IMMP2L: variants seen among roughly 807,000 people sequenced by gnomAD.
IMMP2L encodes the protein mitochondrial inner membrane protease subunit 2.
In IMMP2L, 18 loss-of-function variants were observed where a neutral mutation model predicts 19.3. That is an observed-to-expected ratio of 0.93 (90% confidence interval 0.64 to 1.38). The LOEUF is 1.38. Among genes scored for constraint, IMMP2L ranks in the 40% most tolerant of loss-of-function variants. The pLI is 0.00. For synonymous variants in IMMP2L, 76 were observed against 73.0 expected (o/e 1.04, Z -0.21); for missense variants, 233 against 218.2 (o/e 1.07, Z -0.43).
chr7:111,212,282 T>C (rs1023338172), intron 3 of IMMP2L, among the ~76,000 whole-genome samples: 1 of 151,976 alleles, frequency 6.6e-6, no homozygotes, highest in Non-Finnish European at 1.5e-5. Flanking sequence ...GATTTTCCTT[T>C]AAAGAGCAAA....
At position 111,399,446 on chromosome 7, in the gene IMMP2L, C is replaced by T. The variant is rs59794265; in HGVS notation, c.239+87792G>A. On this transcript the variant is annotated intron_variant, in intron 3 of 5. Transcript: ENST00000405709. ...GCATAATCTCAGCTCACTGCAACCT[C>T]CACCTCCCAGATTCAAGTGTGCTTC... is the stretch of plus-strand genomic sequence containing the variant. Among the ~76,000 whole-genome samples the T allele has an allele frequency of 2.1e-3, 317 of 152,188 alleles. 3 individuals carry two copies. Among genetic ancestry groups the T allele is most frequent in the African/African-American group, 7.2e-3 (301 of 41,558 alleles).
At chr7:110,926,743 C>G (rs915140611) in intron 4 of IMMP2L, among the ~76,000 whole-genome samples, 1 of 152,096 alleles carries the variant, frequency 6.6e-6, no homozygotes, top group African/African-American at 2.4e-5. Context: ...CCTAGAAATG[C>G]TATAATAAAC....
intron 5 of IMMP2L, among the ~76,000 whole-genome samples, chr7:110,719,464 A>C (rs1172154456): frequency 2.6e-5 from 4 of 152,172 alleles, no homozygotes; most frequent in Non-Finnish European, 4.4e-5. Context: ...GGTAATTAAA[A>C]AGCTGTAGAG....
chr7:111,340,782 C>T (rs558572750), intron 3 of IMMP2L, among the ~76,000 whole-genome samples: 1 of 152,102 alleles, frequency 6.6e-6, no homozygotes, highest in South Asian at 2.1e-4. Flanking sequence ...TTATAAATAG[C>T]AGGAATGAAC....
At chr7:110,699,195 C>A (rs1794086794) in intron 5 of IMMP2L, among the ~76,000 whole-genome samples, 1 of 152,160 alleles carries the variant, frequency 6.6e-6, no homozygotes, top group South Asian at 2.1e-4. Flanking sequence ...CAGTTGTGTT[C>A]AGAGTTGGCC....
intron 3 of IMMP2L, among the ~76,000 whole-genome samples, chr7:111,485,596 T>TAAAA (rs1563252291): frequency 1.1e-3 from 1 of 890 alleles, no homozygotes. Context: ...AGACTCTGTT[T>TAAAA]CAAAAAAAAA....
chr7:111,122,131 G>A (rs189872156), intron 3 of IMMP2L, among the ~76,000 whole-genome samples: 4 of 151,522 alleles, frequency 2.6e-5, no homozygotes, highest in Admixed American at 2.6e-4. Context: ...TAAATGACGA[G>A]TTAATGGGTG....
At chr7:111,119,637 T>A (rs1368544637) in intron 3 of IMMP2L, among the ~76,000 whole-genome samples, 1 of 152,262 alleles carries the variant, frequency 6.6e-6, no homozygotes, top group East Asian at 1.9e-4. Flanking sequence ...AATTAGAAAT[T>A]AAGCAGATAG....
At chr7:111,449,674 AC>A in intron 3 of IMMP2L, among the ~76,000 whole-genome samples, 1 of 42,838 alleles carries the variant, frequency 2.3e-5, no homozygotes. Flanking sequence ...CTCTCTCACC[AC>A]TCCTATTCAA....
intron 3 of IMMP2L, among the ~76,000 whole-genome samples, chr7:111,465,670 A>G (rs1026839648): frequency 1.7e-4 from 26 of 152,044 alleles, no homozygotes; most frequent in African/African-American, 4.6e-4. Flanking sequence ...AAAAGTCAGG[A>G]AACAACAGGT....
At chr7:110,693,908 G>A (rs1793684331) in intron 5 of IMMP2L, among the ~76,000 whole-genome samples, 1 of 152,132 alleles carries the variant, frequency 6.6e-6, no homozygotes, top group Non-Finnish European at 1.5e-5. Flanking sequence ...ATGCAAGGGA[G>A]GCTATAGAGA....
intron 3 of IMMP2L, among the ~76,000 whole-genome samples, chr7:111,234,782 G>A (rs370917977): frequency 6.6e-6 from 1 of 151,820 alleles, no homozygotes; most frequent in Admixed American, 6.6e-5. Flanking sequence ...ATCATGAACT[G>A]TCTTCAGGTA....
intron 5 of IMMP2L, among the ~76,000 whole-genome samples, chr7:110,666,128 A>G (rs1438660327): frequency 6.6e-6 from 1 of 152,006 alleles, no homozygotes; most frequent in East Asian, 1.9e-4. Flanking sequence ...TGGGAGCTCT[A>G]TGTGTCCTTT....
chr7:111,084,886 T>C (rs531341240), intron 3 of IMMP2L, among the ~76,000 whole-genome samples: 6 of 152,172 alleles, frequency 3.9e-5, no homozygotes, highest in African/African-American at 1.2e-4. Flanking sequence ...GAAGGAAAGA[T>C]AGATGAGGGT....
chr7:110,958,894 C>G (rs1315236573), intron 4 of IMMP2L, among the ~76,000 whole-genome samples: 2 of 152,002 alleles, frequency 1.3e-5, no homozygotes, highest in Non-Finnish European at 2.9e-5. Context: ...AAAGAGAATG[C>G]AAGTGACAGA....
chr7:111,057,035 CTT>C (rs1793574910), intron 3 of IMMP2L, among the ~76,000 whole-genome samples: 1 of 152,144 alleles, frequency 6.6e-6, no homozygotes, highest in Non-Finnish European at 1.5e-5. Context: ...ACCTTGGAAA[CTT>C]TCATTTTTAC....
chr7:111,555,101 A>G (rs1344863294), intron 1 of IMMP2L, among the ~76,000 whole-genome samples: 1 of 152,152 alleles, frequency 6.6e-6, no homozygotes, highest in East Asian at 1.9e-4. Flanking sequence ...CCTTCCTGCC[A>G]TATATATCTT....
In IMMP2L at chr7:110,663,335, G is replaced by GC; in HGVS notation, c.*266dup. On this transcript the variant is annotated 3_prime_UTR_variant, in exon 6 of 6. Transcript: ENST00000405709. ...TTCAGCCCCATTAAGACATGTGGGTGCAATATTTTTATATTCCCAAAGGTC... is the reference window on the plus strand; with the variant it reads ...TTCAGCCCCATTAAGACATGTGGGTGCCAATATTTTTATATTCCCAAAGGTC... 3.4e-6 allele frequency: 1 copy of GC among 289,940 alleles called. No homozygotes were observed. Among genetic ancestry groups the GC allele is most frequent in the Non-Finnish European group, 6.4e-6 (1 of 155,884 alleles). 18.0% of individuals were successfully genotyped at this position (289,940 alleles called of 1,614,324 possible).
At chr7:110,838,784 A>G (rs58858012) in intron 5 of IMMP2L, among the ~76,000 whole-genome samples, 18,685 of 152,124 alleles carry the variant, frequency 0.12, 2,249 homozygotes, top group African/African-American at 0.31. Flanking sequence ...AACAGGTCCT[A>G]AGACTTTATT....
Sources: gnomAD v4.1 joint callset for allele counts (sites outside exome capture counted in the v4.1 genomes callset) on GRCh38, gnomAD v4.1.1 for gene constraint, MANE v1.5 for transcripts, NCBI Gene and HGNC (gene_info 2026-07-23, HGNC 2026-07-21) for gene names.